The following TACC2 variants were observed in gnomAD, a reference collection of about 807,000 sequenced individuals.
TACC2 encodes the protein transforming acidic coiled-coil containing protein 2.
A neutral mutation model predicts 227.3 loss-of-function variants in TACC2; 137 were observed. That is an observed-to-expected ratio of 0.60 (90% CI 0.52 to 0.69). TACC2 has a LOEUF of 0.69. Ranked by LOEUF, TACC2 falls within the 30% of genes least tolerant of loss-of-function variation. The pLI, the probability that TACC2 is intolerant of heterozygous loss-of-function variation, is 0.00. For synonymous variants in TACC2, 1,523 were observed against 1,487.5 expected (o/e 1.02, Z -0.55); for missense variants, 3,470 against 3,694.4 (o/e 0.94, Z 1.57).
chr10:122,211,667 G>T lies in TACC2; in HGVS notation c.7242G>T (p.Gly2414=). 6.3e-7 allele frequency: 1 copy of T among 1,577,712 alleles called. No individual in the cohort carries two copies. The highest frequency in any genetic ancestry group is 8.6e-7 in the Non-Finnish European group (1 of 1,168,154). Residue 2414 remains glycine (G), a synonymous_variant, in exon 9 of 23, where the codon GGG becomes GGT. Transcript: ENST00000369005. Reference sequence around the variant, plus strand: ...AAGCCAATGGAGTGGACGGGGATGGGCTAAACAAGCCCGCCAAGAAGAAGA... The same window carrying T: ...AAGCCAATGGAGTGGACGGGGATGGTCTAAACAAGCCCGCCAAGAAGAAGA... ...AMEANGVDGD[G]LNKPAKKKKT...
At chr10:122,088,724 C>T in intron 5 of TACC2, 133 bp downstream of exon 5, 1 of 1,542,938 alleles carries the variant, frequency 6.5e-7, no homozygotes, top group Non-Finnish European at 8.7e-7. Flanking sequence ...ATGGCCATTC[C>T]CGTTTTATGT....
At chr10:122,028,084 C>CTTTTTTTTTTTTTTT (rs59135261) in intron 2 of TACC2, among the ~76,000 whole-genome samples, 62 of 91,738 alleles carry the variant, frequency 6.8e-4, no homozygotes, top group Admixed American at 9.7e-4. Context: ...TTCTTTCTTT[C>CTTTTTTTTTTTTTTT]TTTTTTTTTT....
chr10:122,119,498 C>G (rs1249146174), intron 5 of TACC2, among the ~76,000 whole-genome samples: 2 of 152,204 alleles, frequency 1.3e-5, no homozygotes, highest in East Asian at 3.8e-4. Context: ...GATCTTGATC[C>G]CAGAGGGGCT....
intron 5 of TACC2, among the ~76,000 whole-genome samples, chr10:122,124,689 C>A (rs1471742712): frequency 1.3e-5 from 2 of 152,238 alleles, no homozygotes; most frequent in South Asian, 4.1e-4. Flanking sequence ...ACGCCTTTGC[C>A]CAAGAAGTTC....
intron 7 of TACC2, among the ~76,000 whole-genome samples, chr10:122,162,639 C>A (rs556443202): frequency 6.6e-6 from 1 of 152,320 alleles, no homozygotes; most frequent in East Asian, 1.9e-4. Context: ...AGTGAGGAGG[C>A]TCAGGATCTC....
chr10:122,079,423 C>T (rs2079197015), intron 3 of TACC2, among the ~76,000 whole-genome samples: 1 of 152,194 alleles, frequency 6.6e-6, no homozygotes, highest in Non-Finnish European at 1.5e-5. Context: ...ATAATTTACC[C>T]TCTGAGTTTT....
At chr10:122,208,732 A>G (rs778506830) in intron 8 of TACC2, among the ~76,000 whole-genome samples, 6 of 152,210 alleles carry the variant, frequency 3.9e-5, no homozygotes, top group African/African-American at 7.2e-5. Context: ...CCGGTGGCAG[A>G]AGGGGACTGG....
At chr10:121,990,807 A>G (rs1440434422) in intron 1 of TACC2, among the ~76,000 whole-genome samples, 1 of 151,958 alleles carries the variant, frequency 6.6e-6, no homozygotes, top group Admixed American at 6.6e-5. Flanking sequence ...TTTGTTTTTG[A>G]GACAGGGACT....
At chr10:122,049,755 A>ATC (rs2075470020) in intron 2 of TACC2, among the ~76,000 whole-genome samples, 1 of 151,410 alleles carries the variant, frequency 6.6e-6, no homozygotes, top group African/African-American at 2.4e-5. Flanking sequence ...TTTAAATCTC[A>ATC]TCTCTGTCCT....
At chr10:122,211,844 CG>C in intron 9 of TACC2, 136 bp downstream of exon 9, 1 of 674,304 alleles carries the variant, frequency 1.5e-6, no homozygotes. Flanking sequence ...CGCTTACGGC[CG>C]TTGCACCAAG....
chr10:122,068,529 A>G (rs2077634576), intron 3 of TACC2, among the ~76,000 whole-genome samples: 1 of 152,152 alleles, frequency 6.6e-6, no homozygotes, highest in African/African-American at 2.4e-5. Context: ...TTAGGTGAGG[A>G]TTAATCTTCC....
At chr10:122,001,434 A>G (rs1322989812) in intron 1 of TACC2, among the ~76,000 whole-genome samples, 2 of 152,140 alleles carry the variant, frequency 1.3e-5, no homozygotes, top group Non-Finnish European at 2.9e-5. Context: ...CACCATGGGA[A>G]AGACCCACCC....
intron 1 of TACC2, among the ~76,000 whole-genome samples, chr10:122,008,249 A>ATTGTTATTC (rs35440160): frequency 8.0e-6 from 1 of 124,272 alleles, no homozygotes; most frequent in Non-Finnish European, 1.7e-5. Context: ...TCCCTTTGTT[A>ATTGTTATTC]TTATTATTAT....
intron 5 of TACC2, among the ~76,000 whole-genome samples, chr10:122,129,945 T>C (rs1371579067): frequency 6.6e-6 from 1 of 152,208 alleles, no homozygotes; most frequent in Non-Finnish European, 1.5e-5. Flanking sequence ...ACCTCCGCAC[T>C]GTCAATGCCA....
intron 8 of TACC2, among the ~76,000 whole-genome samples, chr10:122,207,295 TCA>T (rs2095146514): frequency 7.1e-6 from 1 of 140,348 alleles, no homozygotes; most frequent in African/African-American, 2.6e-5. Context: ...TGGGACTATT[TCA>T]AAAAAAAAAA....
chr10:122,254,230 T>C lies in TACC2; in HGVS notation c.*174T>C. On this transcript the variant is annotated 3_prime_UTR_variant, in exon 23 of 23. Transcript: ENST00000369005. Reference sequence around the variant, plus strand: ...TGCAGTACTAAGGAGACTATCAGAATTTCTTGCTATTGGTTTGCATTTTCC... The same window carrying C: ...TGCAGTACTAAGGAGACTATCAGAACTTCTTGCTATTGGTTTGCATTTTCC... 1.4e-6 allele frequency: 1 copy of C among 690,316 alleles called. No individual in the cohort carries two copies. The highest frequency in any genetic ancestry group is 2.6e-6 in the Non-Finnish European group (1 of 378,032). 42.8% of individuals were successfully genotyped at this position (690,316 alleles called of 1,614,324 possible). A position where few individuals can be genotyped will look rare whatever the true frequency, so the allele number is the denominator to read the frequency against.
chr10:122,025,057 C>A (rs1957812601), intron 2 of TACC2, among the ~76,000 whole-genome samples: 1 of 152,132 alleles, frequency 6.6e-6, no homozygotes, highest in South Asian at 2.1e-4. Context: ...GGTCTTTGGA[C>A]CCTGGCTGTC....
intron 7 of TACC2, among the ~76,000 whole-genome samples, chr10:122,158,281 C>T (rs1412180539): frequency 6.6e-5 from 10 of 151,936 alleles, no homozygotes; most frequent in South Asian, 4.2e-4. Context: ...CCCAGCTACT[C>T]GGGAGGCTGA....
At chr10:122,073,126 AAT>A (rs1167084872) in intron 3 of TACC2, among the ~76,000 whole-genome samples, 892 of 70,862 alleles carry the variant, frequency 0.013, 36 homozygotes, top group East Asian at 0.018. Flanking sequence ...AAAAAAAAAA[AAT>A]ATATATATAT....
Sources: allele counts gnomAD v4.1 joint callset (sites outside exome capture counted in the v4.1 genomes callset), GRCh38; gene constraint gnomAD v4.1.1; transcripts MANE v1.5; gene names NCBI Gene and HGNC (gene_info 2026-07-23, HGNC 2026-07-21).